CSDE1: variants seen among roughly 807,000 people sequenced by gnomAD.
CSDE1 encodes the protein cold shock domain-containing protein E1.
Under a neutral mutation model 89.3 loss-of-function variants are expected in CSDE1, and 17 were observed. The ratio of observed to expected loss-of-function variants is 0.19; its 90% CI spans 0.13 to 0.29. The LOEUF (loss-of-function observed/expected upper bound fraction) is 0.29. CSDE1 is among the 10% of genes least tolerant of loss of function. The pLI, the probability that CSDE1 is intolerant of heterozygous loss-of-function variation, is 1.00. For missense variants in CSDE1, 672 were observed against 984.2 expected (o/e 0.68, Z 4.24); for synonymous variants, 322 against 332.8 (o/e 0.97, Z 0.35).
At chr1:114,732,885 G>A in intron 9 of CSDE1, 69 bp from the exon 10 acceptor site, 1 of 1,312,874 alleles carries the variant, frequency 7.6e-7, no homozygotes, top group Non-Finnish European at 1.1e-6. Context: ...CAAACAAGAA[G>A]AACACATAGT....
At chr1:114,739,917 A>T in intron 2 of CSDE1, 27 bp from the exon 3 acceptor site, 1 of 1,534,472 alleles carries the variant, frequency 6.5e-7, no homozygotes, top group Non-Finnish European at 9.0e-7. Flanking sequence ...AAGAATATAT[A>T]CATATCTGTA....
intron 2 of CSDE1, among the ~76,000 whole-genome samples, chr1:114,741,180 G>A (rs1660707476): frequency 6.6e-6 from 1 of 152,160 alleles, no homozygotes; most frequent in Admixed American, 6.5e-5. Flanking sequence ...TAAATGACTT[G>A]CCAAAGTCAA....
At chr1:114,729,868 T>C (rs1159797823) in intron 12 of CSDE1, among the ~76,000 whole-genome samples, 1 of 152,222 alleles carries the variant, frequency 6.6e-6, no homozygotes, top group Non-Finnish European at 1.5e-5. Context: ...TTGAAAGTTT[T>C]AAATTGCCTG....
At chr1:114,722,015 G>A (rs1484236984) in intron 16 of CSDE1, among the ~76,000 whole-genome samples, 1 of 151,600 alleles carries the variant, frequency 6.6e-6, no homozygotes, top group Non-Finnish European at 1.5e-5. Flanking sequence ...TGAAGTAGCT[G>A]GGATTATAGG....
intron 6 of CSDE1, 98 bp from the exon 7 acceptor site, chr1:114,734,621 C>T (rs896609555): frequency 1.1e-5 from 9 of 841,072 alleles, no homozygotes; most frequent in Non-Finnish European, 1.7e-5. Flanking sequence ...TTTCCTGGGG[C>T]TTTAAGAATT....
intron 2 of CSDE1, among the ~76,000 whole-genome samples, chr1:114,745,199 A>T (rs1050600876): frequency 2.6e-5 from 4 of 152,192 alleles, no homozygotes; most frequent in African/African-American, 9.6e-5. Context: ...AAATGTGGAG[A>T]TATTTTTCTT....
intron 1 of CSDE1, among the ~76,000 whole-genome samples, chr1:114,756,270 A>T (rs911536718): frequency 2.6e-5 from 4 of 152,336 alleles, no homozygotes; most frequent in Admixed American, 2.0e-4. Context: ...AAACATCCAG[A>T]ACAGCTGCAA....
In CSDE1 at chr1:114,732,611, C is replaced by T. The variant is rs753559097; in HGVS notation, c.1043G>A (p.Arg348Gln). ...SNTFQFTNEA[R>Q]EMGVIAAMRD... is the part of the protein sequence containing the mutation. ...GTAATATCCAACACTTACCATTTCT[C>T]GGGCTTCATTAGTGAACTGAAATGT... The change falls in exon 10 of 20, where the codon CGA becomes CAA. Residue 348 changes from arginine (R) to glutamine (Q), a missense_variant. Physicochemically the swap from Arg to Gln is conservative, Grantham distance 43. Transcript: ENST00000358528. 1 of 1,613,838 alleles carries T rather than the reference C, an allele frequency of 6.2e-7. No individual in the cohort carries two copies. The highest frequency in any genetic ancestry group is 8.5e-7 in the Non-Finnish European group (1 of 1,179,764).
At position 114,720,596 on chromosome 1, in the gene CSDE1, A is replaced by C; in HGVS notation, c.1995T>G (p.Thr665=). 1 of 1,614,154 alleles carries C rather than the reference A, an allele frequency of 6.2e-7. No individual in the cohort carries two copies. The highest frequency in any genetic ancestry group is 8.5e-7 in the Non-Finnish European group (1 of 1,180,016). Residue 665 remains threonine, a synonymous_variant, in exon 17 of 20, where the codon ACT becomes ACG. Transcript: ENST00000358528. ...GCAGGGGTGTGATGTTGTAAGCCAT[A>C]GTTTGTGCATTTTGGCCCAGGACAC... ...QLCVLGQNAQ[T]MAYNITPLRR...
At chr1:114,727,841 A>C (rs1422787983) in intron 12 of CSDE1, 3 of 152,164 alleles carry the variant, frequency 2.0e-5, no homozygotes, top group Non-Finnish European at 4.4e-5. Flanking sequence ...AGTCTAAGAA[A>C]GTTCAGGTGT....
chr1:114,717,814 G>A lies in CSDE1; in HGVS notation c.*355C>T. 4.0e-6 allele frequency: 1 copy of A among 252,562 alleles called. No individual in the cohort carries two copies. Among genetic ancestry groups the A allele is most frequent in the East Asian group, 8.8e-5 (1 of 11,382 alleles). 15.6% of individuals were successfully genotyped at this position (252,562 alleles called of 1,614,324 possible). On this transcript the variant is annotated 3_prime_UTR_variant, in exon 20 of 20. Coordinates refer to ENST00000358528, the MANE Select transcript of CSDE1 (RefSeq NM_001007553.3). Reference sequence around the variant, plus strand: ...GAAGGTAGAGTATATAATGAAAAGTGCAGAATTTCATAGGGCCAACAAGAT... The same window carrying A: ...GAAGGTAGAGTATATAATGAAAAGTACAGAATTTCATAGGGCCAACAAGAT...
At position 114,738,011 on chromosome 1, in the gene CSDE1, C is replaced by G. The variant is rs761949564; in HGVS notation, c.261G>C (p.Leu87=). The part of the protein sequence containing the change: ...RRTGKPIAVK[L]VKIKQEILPE... The stretch of plus-strand genomic sequence containing the variant: ...GGAGGATTTCTTGTTTTATCTTCAC[C>G]AGTTTAACAGCAATGGGTTTCCCAG... The change falls in exon 4 of 20, where the codon CTG becomes CTC. Residue 87 remains leucine, a synonymous_variant. Coordinates refer to ENST00000358528, the MANE Select transcript of CSDE1 (RefSeq NM_001007553.3). 4.3e-6 allele frequency: 7 copies of G among 1,614,004 alleles called. No individual in the cohort carries two copies. The South Asian group carries it at 7.7e-5, about 18-fold the overall frequency.
At chr1:114,731,706 C>T (rs912179211) in intron 10 of CSDE1, among the ~76,000 whole-genome samples, 2 of 152,186 alleles carry the variant, frequency 1.3e-5, no homozygotes, top group Non-Finnish European at 2.9e-5. Context: ...CAAAACAAAA[C>T]CTTTTTGACT....
chr1:114,742,390 C>T (rs1013564320), intron 2 of CSDE1, among the ~76,000 whole-genome samples: 16 of 152,054 alleles, frequency 1.1e-4, no homozygotes, highest in African/African-American at 2.9e-4. Context: ...GGGACAAGCA[C>T]GGCCAACATG....
At chr1:114,736,666 A>G in intron 6 of CSDE1, 92 bp downstream of exon 6, 1 of 724,364 alleles carries the variant, frequency 1.4e-6, no homozygotes, top group Non-Finnish European at 2.3e-6. Flanking sequence ...ATCCAGACTT[A>G]CAAGTTAGGT....
rs180898215 is a variant in CSDE1 at position 114,731,707 on chromosome 1, C to A, written c.1050+897G>T. Reference sequence around the variant, plus strand: ...TTGTGAAGTTCTGCCAAAACAAAACCTTTTTGACTCTGGTTTAATTGCAAG... The same window carrying A: ...TTGTGAAGTTCTGCCAAAACAAAACATTTTTGACTCTGGTTTAATTGCAAG... On this transcript the variant is annotated intron_variant, in intron 10 of 19. Coordinates refer to ENST00000358528, the MANE Select transcript of CSDE1 (RefSeq NM_001007553.3). Among the ~76,000 whole-genome samples, 531 of 152,298 alleles carry A rather than the reference C, an allele frequency of 3.5e-3. 6 individuals are homozygous for A. The highest frequency in any genetic ancestry group is 0.011 in the African/African-American group (469 of 41,566).
chr1:114,741,930 A>T (rs969237221), intron 2 of CSDE1, among the ~76,000 whole-genome samples: 1 of 152,212 alleles, frequency 6.6e-6, no homozygotes, highest in South Asian at 2.1e-4. Flanking sequence ...TATTCAGTCC[A>T]ATTTCTTTTC....
intron 10 of CSDE1, among the ~76,000 whole-genome samples, chr1:114,731,872 C>G (rs1405337305): frequency 1.3e-5 from 2 of 152,146 alleles, no homozygotes; most frequent in Non-Finnish European, 2.9e-5. Context: ...TGCAGGGCAA[C>G]GGCATGGTAT....
chr1:114,737,205 C>CA (rs1281755622), intron 5 of CSDE1, among the ~76,000 whole-genome samples: 13 of 152,126 alleles, frequency 8.5e-5, no homozygotes, highest in Admixed American at 7.8e-4. Flanking sequence ...AGATCCCCCC[C>CA]ACAACCCCCA....
Sources: allele counts gnomAD v4.1 joint callset (sites outside exome capture counted in the v4.1 genomes callset), GRCh38; gene constraint gnomAD v4.1.1; transcripts MANE v1.5; gene names NCBI Gene and HGNC (gene_info 2026-07-23, HGNC 2026-07-21).